The following ABCA12 variants were observed in gnomAD, a reference collection of about 807,000 sequenced individuals.
ABCA12 encodes glucosylceramide transporter ABCA12.
ABCA12 carries 156 observed loss-of-function variants against 293.5 expected under a neutral mutation model. The observed-to-expected ratio is 0.53, with a 90% CI of 0.47 to 0.61. ABCA12 has a LOEUF of 0.61. Ranked by LOEUF, ABCA12 falls within the 20% of genes least tolerant of loss-of-function variation. The pLI, the probability that ABCA12 is intolerant of heterozygous loss-of-function variation, is 0.00. For missense variants in ABCA12, 2,797 were observed against 3,090.2 expected, an observed-to-expected ratio of 0.91 and a Z score of 2.25; for synonymous variants, 1,063 against 1,108.0, an observed-to-expected ratio of 0.96 and a Z score of 0.81.
chr2:215,004,128 G>A, intron 20 of ABCA12, 81 bp downstream of exon 20: 2 of 1,246,380 alleles, frequency 1.6e-6, no homozygotes, highest in Non-Finnish European at 1.2e-6. Flanking sequence ...AGAAAAGGGG[G>A]GAAAATGTAA....
rs141954536 is a variant in ABCA12, at chr2:215,118,075, A to G, written c.70-6385T>C. 2.6e-3 allele frequency among the ~76,000 whole-genome samples: 392 copies of G among 152,236 alleles called. 3 individuals carry two copies. Among genetic ancestry groups the G allele is most frequent in the African/African-American group, 9.2e-3 (382 of 41,546 alleles). On this transcript the variant is annotated intron_variant, in intron 1 of 52. Transcript: ENST00000272895. ...CAGACATTTGAGTCTGTGCCTTTAT[A>G]CTAGAGTAGCCTGAGGCTGGTTATG... is the stretch of plus-strand genomic sequence containing the variant.
At chr2:215,077,492 A>G (rs988060778) in intron 2 of ABCA12, among the ~76,000 whole-genome samples, 6 of 152,138 alleles carry the variant, frequency 3.9e-5, no homozygotes, top group Admixed American at 1.3e-4. Context: ...TTATGATACT[A>G]GCTGGGATTT....
intron 5 of ABCA12, 37 bp downstream of exon 5, chr2:215,052,450 G>T: frequency 1.3e-6 from 2 of 1,542,186 alleles, no homozygotes; most frequent in South Asian, 1.1e-5. Flanking sequence ...GGCCTATGTT[G>T]AATCACTCTA....
chr2:215,074,073 T>C (rs1350761775), intron 2 of ABCA12, among the ~76,000 whole-genome samples: 1 of 152,182 alleles, frequency 6.6e-6, no homozygotes, highest in African/African-American at 2.4e-5. Context: ...TCTTTAAATT[T>C]TTCTCCCTGT....
chr2:215,073,466 G>A (rs1403826), intron 2 of ABCA12, among the ~76,000 whole-genome samples: 47,662 of 151,818 alleles, frequency 0.31, 7,962 homozygotes, highest in Middle Eastern at 0.42. Context: ...AATTAAGCTG[G>A]GTACGCATAC....
At chr2:215,070,523 A>G (rs1031936593) in intron 2 of ABCA12, among the ~76,000 whole-genome samples, 1 of 130,104 alleles carries the variant, frequency 7.7e-6, no homozygotes, top group Admixed American at 7.5e-5. Context: ...TCCTAATGCT[A>G]TCCCTCCCCC....
At chr2:214,999,091 C>T (rs1052069856) in intron 22 of ABCA12, among the ~76,000 whole-genome samples, 3 of 152,014 alleles carry the variant, frequency 2.0e-5, no homozygotes, top group African/African-American at 7.3e-5. Context: ...GGTGAGGGAG[C>T]AGTGGGAGTT....
chr2:215,020,494 C>T (rs60395750), intron 11 of ABCA12, among the ~76,000 whole-genome samples: 151,914 of 152,338 alleles, frequency 1, 75,749 homozygotes, highest in East Asian at 1. Flanking sequence ...AAATTCATAG[C>T]GACAGAAGCA....
At chr2:214,972,784 T>C (rs537760616) in intron 36 of ABCA12, among the ~76,000 whole-genome samples, 16 of 152,122 alleles carry the variant, frequency 1.1e-4, no homozygotes, top group Admixed American at 5.2e-4. Flanking sequence ...ACTAAAGAAA[T>C]ACATAAAGAA....
chr2:215,015,848 A>G (rs919541693), intron 14 of ABCA12, among the ~76,000 whole-genome samples, 185 bp from the exon 15 acceptor site: 1 of 152,220 alleles, frequency 6.6e-6, no homozygotes, highest in Non-Finnish European at 1.5e-5. Flanking sequence ...AGTTCACTTA[A>G]GAAATAAGAT....
Position 215,036,962 on chromosome 2 carries a change from G to A in ABCA12, c.976C>T (p.Pro326Ser), listed in dbSNP as rs202233394. The A allele has an allele frequency of 3.1e-6, 5 of 1,613,378 alleles. No homozygotes were observed. The highest frequency in any genetic ancestry group is 4.2e-6 in the Non-Finnish European group (5 of 1,179,538). The change falls in exon 8 of 53, where the codon CCA becomes TCA. Residue 326 changes from proline to serine, a missense_variant. Pro to Ser is a moderately conservative substitution (Grantham distance 74). Coordinates refer to ENST00000272895, the MANE Select transcript of ABCA12 (RefSeq NM_173076.3). ...VKHLLYTLDS[P>S]AQGDSDNITH... is the part of the protein sequence containing the mutation. ...GATGGAAATATAATACCTTGAGCTG[G>A]GGAGTCCAGAGTGTACAGCAGATGT...
intron 2 of ABCA12, among the ~76,000 whole-genome samples, chr2:215,070,322 C>G (rs1243737341): frequency 6.6e-6 from 1 of 151,894 alleles, no homozygotes; most frequent in Non-Finnish European, 1.5e-5. Context: ...GTGCTTGGCA[C>G]CAAGAAAGGT....
chr2:215,085,016 C>T (rs966311524), intron 2 of ABCA12, among the ~76,000 whole-genome samples: 1 of 150,844 alleles, frequency 6.6e-6, no homozygotes, highest in Non-Finnish European at 1.5e-5. Flanking sequence ...GTGGCTCGAC[C>T]CCAGGAGGCA....
intron 2 of ABCA12, among the ~76,000 whole-genome samples, chr2:215,077,074 T>C (rs956402179): frequency 6.6e-6 from 1 of 152,148 alleles, no homozygotes; most frequent in Non-Finnish European, 1.5e-5. Flanking sequence ...TGGAACCTAC[T>C]AGGTTTACAC....
chr2:215,101,540 AAAG>A (rs1702357281), intron 2 of ABCA12, among the ~76,000 whole-genome samples: 1 of 152,332 alleles, frequency 6.6e-6, no homozygotes. Flanking sequence ...GAGAAAAGAC[AAAG>A]AAGAAAAATA....
chr2:215,064,356 C>G, intron 2 of ABCA12, 137 bp from the exon 3 acceptor site: 2 of 825,028 alleles, frequency 2.4e-6, no homozygotes, highest in Non-Finnish European at 4.0e-6. Context: ...CCCAACTCTG[C>G]AACTAACACT....
At chr2:214,946,359 A>G (rs1411454824) in intron 48 of ABCA12, among the ~76,000 whole-genome samples, 1 of 152,154 alleles carries the variant, frequency 6.6e-6, no homozygotes, top group Admixed American at 6.6e-5. Flanking sequence ...GGTATCTTTC[A>G]TGTCAATATT....
chr2:215,027,441 G>A (rs556595634), intron 9 of ABCA12, among the ~76,000 whole-genome samples: 1 of 152,286 alleles, frequency 6.6e-6, no homozygotes, highest in Admixed American at 6.5e-5. Context: ...TAGATCTTCT[G>A]AGCACTTGCC....
chr2:214,975,905 G>A lies in ABCA12; in HGVS notation c.5261C>T (p.Pro1754Leu), dbSNP rs1421353204. ...CATGGCAGTGGTAACAAAGACGATG[G>A]GGAGGATAACCTGAGCAATGAGACC... Reference protein sequence around the residue: ...WKGLIAQVILPIVFVTTAMGL... With the variant: ...WKGLIAQVILLIVFVTTAMGL... Residue 1754 changes from proline to leucine, a missense_variant, in exon 34 of 53, where the codon CCC becomes CTC. Transcript: ENST00000272895. The A allele has an allele frequency of 4.3e-6, 7 of 1,613,970 alleles. 1 individual carries two copies. In the Admixed American group the frequency reaches 1.2e-4, roughly 27 times the overall value.
Sources: gnomAD v4.1 joint callset for allele counts (sites outside exome capture counted in the v4.1 genomes callset) on GRCh38, gnomAD v4.1.1 for gene constraint, MANE v1.5 for transcripts, NCBI Gene and HGNC (gene_info 2026-07-23, HGNC 2026-07-21) for gene names.